The following TAFA5 variants were observed in gnomAD, a reference collection of about 807,000 sequenced individuals.
The protein encoded by TAFA5 is chemokine-like protein TAFA-5.
TAFA5 carries 6 observed loss-of-function variants against 15.3 expected under a neutral mutation model. The observed-to-expected ratio is 0.39, with a 90% CI of 0.21 to 0.77. TAFA5 has a LOEUF of 0.77. TAFA5 is among the 30% of genes least tolerant of loss of function. The pLI, the probability that TAFA5 is intolerant of heterozygous loss-of-function variation, is 0.41. For missense variants in TAFA5, 161 were observed against 193.1 expected (o/e 0.83, Z 0.98); for synonymous variants, 103 against 80.7 (o/e 1.28, Z -1.48).
chr22:48,548,897 A>G (rs966134670), intron 1 of TAFA5, among the ~76,000 whole-genome samples: 1 of 152,224 alleles, frequency 6.6e-6, no homozygotes, highest in African/African-American at 2.4e-5. Context: ...GACTAAAGTC[A>G]TTTGGTTTCA....
intron 1 of TAFA5, among the ~76,000 whole-genome samples, chr22:48,509,720 G>C (rs1424869524): frequency 6.6e-6 from 1 of 152,176 alleles, no homozygotes; most frequent in African/African-American, 2.4e-5. Flanking sequence ...GGGAGGCTGA[G>C]GCGGGCGGAT....
At chr22:48,520,064 C>G (rs961813496) in intron 1 of TAFA5, among the ~76,000 whole-genome samples, 1 of 152,232 alleles carries the variant, frequency 6.6e-6, no homozygotes, top group South Asian at 2.1e-4. Context: ...CAGAGGAAGA[C>G]GCCCTGTGGA....
intron 1 of TAFA5, among the ~76,000 whole-genome samples, chr22:48,593,916 C>T (rs1202159523): frequency 6.6e-6 from 1 of 152,186 alleles, no homozygotes; most frequent in Non-Finnish European, 1.5e-5. Context: ...GCGCTGCAGC[C>T]CAAGGAGACC....
At chr22:48,522,711 C>T (rs1921646897) in intron 1 of TAFA5, among the ~76,000 whole-genome samples, 1 of 152,318 alleles carries the variant, frequency 6.6e-6, no homozygotes, top group Admixed American at 6.5e-5. Context: ...CTGGGCCTGC[C>T]TGGGGTTTTG....
At chr22:48,613,252 G>C (rs1036746616) in intron 1 of TAFA5, among the ~76,000 whole-genome samples, 1 of 152,126 alleles carries the variant, frequency 6.6e-6, no homozygotes, top group Non-Finnish European at 1.5e-5. Flanking sequence ...TCCTTTCACT[G>C]ATGATCTGAG....
intron 1 of TAFA5, among the ~76,000 whole-genome samples, chr22:48,621,696 C>T (rs1925844810): frequency 6.6e-6 from 1 of 152,168 alleles, no homozygotes; most frequent in African/African-American, 2.4e-5. Flanking sequence ...CGGGGTCTTG[C>T]ACTTTATGAA....
Position 48,652,463 on chromosome 22 carries a change from A to G in TAFA5, c.262+5717A>G, listed in dbSNP as rs17823490. Among the ~76,000 whole-genome samples the G allele has an allele frequency of 2.5e-3, 376 of 152,312 alleles. 10 individuals carry two copies. In the East Asian group the frequency reaches 0.058, roughly 24 times the overall value. ...AACATGGGGACATCTGTTTGACCAC[A>G]GAGCTCACAGGAGACCGCCTGCTGG... On this transcript the variant is annotated intron_variant, in intron 2 of 3. Coordinates refer to ENST00000402357, the MANE Select transcript of TAFA5 (RefSeq NM_001082967.3).
chr22:48,575,323 G>A (rs1048362442), intron 1 of TAFA5, among the ~76,000 whole-genome samples: 3 of 151,318 alleles, frequency 2.0e-5, no homozygotes, highest in African/African-American at 7.3e-5. Context: ...GGCGCTGCAG[G>A]GCGGGGTCCC....
intron 1 of TAFA5, among the ~76,000 whole-genome samples, chr22:48,502,848 G>C (rs1373372051): frequency 6.6e-6 from 1 of 152,182 alleles, no homozygotes; most frequent in Non-Finnish European, 1.5e-5. Flanking sequence ...ATTTCGAAAA[G>C]ACACTTTTGC....
chr22:48,700,933 C>A (rs1928886223), intron 2 of TAFA5, among the ~76,000 whole-genome samples: 1 of 152,196 alleles, frequency 6.6e-6, no homozygotes, highest in Non-Finnish European at 1.5e-5. Context: ...ATCTGCCCAG[C>A]CCTACTTCAG....
At chr22:48,721,752 T>A (rs1465059755) in intron 3 of TAFA5, among the ~76,000 whole-genome samples, 1 of 152,236 alleles carries the variant, frequency 6.6e-6, no homozygotes, top group Non-Finnish European at 1.5e-5. Flanking sequence ...GCAGATCACT[T>A]GAAGTCAGGG....
chr22:48,642,379 C>T, intron 1 of TAFA5, among the ~76,000 whole-genome samples: 1 of 152,190 alleles, frequency 6.6e-6, no homozygotes, highest in Non-Finnish European at 1.5e-5. Flanking sequence ...TCATGCCCCA[C>T]AGGCAGCCCT....
intron 1 of TAFA5, among the ~76,000 whole-genome samples, chr22:48,500,878 G>A (rs1920948101): frequency 6.6e-6 from 1 of 152,200 alleles, no homozygotes; most frequent in South Asian, 2.1e-4. Flanking sequence ...TGTGCTGTTT[G>A]CCATGGAAGA....
At chr22:48,553,217 G>A (rs945040486) in intron 1 of TAFA5, among the ~76,000 whole-genome samples, 1 of 152,004 alleles carries the variant, frequency 6.6e-6, no homozygotes, top group Non-Finnish European at 1.5e-5. Flanking sequence ...GACTCCACAG[G>A]CCCCCCGCTC....
chr22:48,584,164 A>G (rs911658255), intron 1 of TAFA5, among the ~76,000 whole-genome samples: 1 of 147,180 alleles, frequency 6.8e-6, no homozygotes, highest in Non-Finnish European at 1.5e-5. Flanking sequence ...CACATACATC[A>G]TACACACACC....
At chr22:48,740,972 G>A (rs1175330917) in intron 3 of TAFA5, among the ~76,000 whole-genome samples, 3 of 152,276 alleles carry the variant, frequency 2.0e-5, no homozygotes, top group East Asian at 3.9e-4. Flanking sequence ...CCGAGTCAGC[G>A]CTCAGGGAGG....
chr22:48,652,888 C>T (rs1927105672), intron 2 of TAFA5, among the ~76,000 whole-genome samples: 1 of 152,220 alleles, frequency 6.6e-6, no homozygotes, highest in South Asian at 2.1e-4. Context: ...GGAGGCTTCC[C>T]GAGGCCATGG....
intron 2 of TAFA5, among the ~76,000 whole-genome samples, chr22:48,663,365 G>A (rs1927510595): frequency 6.6e-6 from 1 of 152,098 alleles, no homozygotes; most frequent in African/African-American, 2.4e-5. Context: ...GTGCCTCACT[G>A]CCAAAGTCAC....
intron 3 of TAFA5, among the ~76,000 whole-genome samples, chr22:48,725,016 C>T (rs1456682260): frequency 6.6e-6 from 1 of 152,266 alleles, no homozygotes; most frequent in Non-Finnish European, 1.5e-5. Context: ...GTTCAGCTCT[C>T]ATTCCCAAAG....
Sources: gnomAD v4.1 joint callset for allele counts (sites outside exome capture counted in the v4.1 genomes callset) on GRCh38, gnomAD v4.1.1 for gene constraint, MANE v1.5 for transcripts, NCBI Gene and HGNC (gene_info 2026-07-23, HGNC 2026-07-21) for gene names.